The following DIS3 variants were observed in gnomAD, a reference collection of about 807,000 sequenced individuals.
DIS3 encodes DIS3 exosome endoribonuclease and 3'-5' exoribonuclease.
In DIS3, 103 loss-of-function variants were observed where a neutral mutation model predicts 113.0. The ratio of observed to expected loss-of-function variants is 0.91; its 90% CI spans 0.78 to 1.07. The LOEUF (loss-of-function observed/expected upper bound fraction) is 1.07. Ranked by LOEUF, DIS3 falls within the 50% of genes least tolerant of loss-of-function variation. The probability of loss-of-function intolerance (pLI) is 0.00; values close to 1 mark genes in which losing one functional copy is unlikely to be tolerated. For synonymous variants in DIS3, 402 were observed against 394.3 expected (o/e 1.02, Z -0.23); for missense variants, 1,121 against 1,167.1 (o/e 0.96, Z 0.58).
chr13:72,762,086 G>T lies in DIS3; in HGVS notation c.2179C>A (p.Gln727Lys). 1 of 1,614,052 alleles carries T rather than the reference G, an allele frequency of 6.2e-7. No individual in the cohort carries two copies. The highest frequency in any genetic ancestry group is 8.5e-7 in the Non-Finnish European group (1 of 1,180,012). ...TATGGAAAAGTAGGAGATTCGGCCT[G>T]ATCCAAAGACTCAGCCAAAGACTTG... ...TAKSLAESLD[Q>K]AESPTFPYLN... Residue 727 changes from glutamine to lysine, a missense_variant, in exon 17 of 21, where the codon CAG becomes AAG. By Grantham distance (53) the Gln-to-Lys change is moderately conservative (BLOSUM62 1). Coordinates refer to ENST00000377767, the MANE Select transcript of DIS3 (RefSeq NM_014953.5).
Position 72,761,483 on chromosome 13 carries a change from G to C in DIS3, c.2550C>G (p.Ala850=), listed in dbSNP as rs987196923. ...CATTCTTTCTTACAAATAAAATATAGGCTTCTTCACTTACTATTCCTTTGC... is the reference window on the plus strand; with the variant it reads ...CATTCTTTCTTACAAATAAAATATACGCTTCTTCACTTACTATTCCTTTGC... The part of the protein sequence containing the change: ...FKSKGIVSEE[A]YILFVRKNAI... Residue 850 remains alanine (A), a synonymous_variant, in exon 19 of 21, where the codon GCC becomes GCG. Coordinates refer to ENST00000377767, the MANE Select transcript of DIS3 (RefSeq NM_014953.5). The C allele has an allele frequency of 1.5e-5, 24 of 1,606,632 alleles. No individual in the cohort carries two copies. In the Admixed American group the frequency reaches 3.9e-4, roughly 26 times the overall value.
chr13:72,777,520 T>C, intron 3 of DIS3, 27 bp from the exon 4 acceptor site: 3 of 1,602,892 alleles, frequency 1.9e-6, no homozygotes, highest in Non-Finnish European at 2.6e-6. Flanking sequence ...ATGTTGTTTT[T>C]GATAAGTGTT....
chr13:72,781,044 T>C, intron 1 of DIS3, 41 bp from the exon 2 acceptor site: 5 of 1,550,986 alleles, frequency 3.2e-6, no homozygotes, highest in Non-Finnish European at 4.4e-6. Context: ...TATTCATTTG[T>C]AAATAGCTCT....
At chr13:72,769,815 G>A (rs996355719) in intron 13 of DIS3, among the ~76,000 whole-genome samples, 2 of 152,296 alleles carry the variant, frequency 1.3e-5, no homozygotes, top group East Asian at 1.9e-4. Flanking sequence ...CTGGTTAGCA[G>A]AACAGCAAGA....
rs370200384 is a variant in DIS3 at position 72,753,836 on chromosome 13, T to C, written c.*5959A>G. 16 of 1,600,006 alleles carry C rather than the reference T, an allele frequency of 1.0e-5. No individual in the cohort carries two copies. The highest frequency in any genetic ancestry group is 8.0e-5 in the African/African-American group (6 of 74,666). On this transcript the variant is annotated 3_prime_UTR_variant, in exon 21 of 21. Transcript: ENST00000377767. ...TTAATATGAAGGTACGGAGAAAATA[T>C]AGTGAAAGCTTAATATTGTTTAGAT...
intron 19 of DIS3, among the ~76,000 whole-genome samples, chr13:72,760,891 T>G (rs1359677431): frequency 6.6e-6 from 1 of 152,114 alleles, no homozygotes; most frequent in Non-Finnish European, 1.5e-5. Context: ...TTCTTGGTGA[T>G]TAATTAATCA....
intron 14 of DIS3, among the ~76,000 whole-genome samples, chr13:72,766,926 AAAG>A (rs1384367233): frequency 6.6e-6 from 1 of 152,164 alleles, no homozygotes; most frequent in Admixed American, 6.5e-5. Context: ...ACCTTTATTA[AAAG>A]AACTATAGTA....
At chr13:72,765,633 G>C (rs150070683) in intron 15 of DIS3, among the ~76,000 whole-genome samples, 1 of 152,098 alleles carries the variant, frequency 6.6e-6, no homozygotes, top group South Asian at 2.1e-4. Flanking sequence ...ACAGCCCAGG[G>C]GCTGGGAACC....
intron 15 of DIS3, among the ~76,000 whole-genome samples, chr13:72,764,447 C>T (rs1415658821): frequency 6.6e-6 from 1 of 152,140 alleles, no homozygotes; most frequent in Non-Finnish European, 1.5e-5. Context: ...CCTCAACACA[C>T]ACACCCACAA....
At position 72,772,023 on chromosome 13, in the gene DIS3, T is replaced by C. The variant is rs566732443; in HGVS notation, c.1504-127A>G. On this transcript the variant is annotated intron_variant, in intron 10 of 20. Coordinates refer to ENST00000377767, the MANE Select transcript of DIS3 (RefSeq NM_014953.5). ...CAGTCACCTCTACCATTTCAACTTCTGACATATGGCCAATAGCGTGCAGCT... is the reference window on the plus strand; with the variant it reads ...CAGTCACCTCTACCATTTCAACTTCCGACATATGGCCAATAGCGTGCAGCT... 8.7e-5 allele frequency: 108 copies of C among 1,245,598 alleles called. No homozygotes were observed. The South Asian group carries it at 9.9e-4, about 11-fold the overall frequency. The allele number at this position is 1,245,598 out of a possible 1,614,324, so 77.2% of individuals were successfully genotyped here. A position where few individuals can be genotyped will look rare whatever the true frequency, so the allele number is the denominator to read the frequency against.
At chr13:72,769,507 TTTTG>T (rs1329823069) in intron 13 of DIS3, among the ~76,000 whole-genome samples, 4 of 151,708 alleles carry the variant, frequency 2.6e-5, no homozygotes, top group East Asian at 1.9e-4. Context: ...TTTTTTTTTT[TTTTG>T]TTTGTCTAAG....
chr13:72,759,750 C>G lies in DIS3; in HGVS notation c.*45G>C. The G allele has an allele frequency of 2.0e-6, 3 of 1,518,974 alleles. No homozygotes were observed. The highest frequency in any genetic ancestry group is 2.7e-6 in the Non-Finnish European group (3 of 1,105,958). The allele number at this position is 1,518,974 out of a possible 1,614,324, so 94.1% of individuals were successfully genotyped here. ...TTAGAAGTGTTCTTTCAAGTTTTTT[C>G]TTTTAAAAAAGAAACCAGTCTTTGA... On this transcript the variant is annotated 3_prime_UTR_variant, in exon 21 of 21. Coordinates refer to ENST00000377767, the MANE Select transcript of DIS3 (RefSeq NM_014953.5).
At chr13:72,773,508 A>T (rs2033934400) in intron 8 of DIS3, among the ~76,000 whole-genome samples, 176 bp downstream of exon 8, 1 of 152,198 alleles carries the variant, frequency 6.6e-6, no homozygotes, top group Non-Finnish European at 1.5e-5. Context: ...TTACACTGGA[A>T]TTTCATAAAA....
At chr13:72,764,545 C>A (rs1478396737) in intron 15 of DIS3, among the ~76,000 whole-genome samples, 2 of 152,110 alleles carry the variant, frequency 1.3e-5, no homozygotes, top group African/African-American at 4.8e-5. Flanking sequence ...GAATTTGAGT[C>A]CACACAATCT....
At chr13:72,776,148 C>T in intron 4 of DIS3, 56 bp from the exon 5 acceptor site, 1 of 1,488,536 alleles carries the variant, frequency 6.7e-7, no homozygotes, top group Non-Finnish European at 9.0e-7. Context: ...TCACTCAATA[C>T]ACAACTATTA....
rs991358956 is a variant in DIS3, at chr13:72,752,219, T to G, written c.*7576A>C. The G allele has an allele frequency of 6.6e-6, 1 of 152,214 alleles. No individual in the cohort carries two copies. The highest frequency in any genetic ancestry group is 1.5e-5 in the Non-Finnish European group (1 of 68,028). The allele number at this position is 152,214 out of a possible 1,614,324, so 9.4% of individuals were successfully genotyped here. ...AGGCTGTGGGATCTTAAGGCAAGAT[T>G]TACATAGCAGTGAATAGAACATGAC... On this transcript the variant is annotated 3_prime_UTR_variant, in exon 21 of 21. Transcript: ENST00000377767.
rs2033644786 is a variant in DIS3 at position 72,762,231 on chromosome 13, A to G, written c.2128-94T>C. 5.3e-6 allele frequency: 6 copies of G among 1,125,972 alleles called. No homozygotes were observed. The South Asian group carries it at 9.2e-5, about 17-fold the overall frequency. 69.7% of individuals were successfully genotyped at this position (1,125,972 alleles called of 1,614,324 possible). ...ATATAACTGATCTGACTGAACAAAC[A>G]TCATGTTTTTGTTATTTTCCTTCCC... On this transcript the variant is annotated intron_variant, in intron 16 of 20. Transcript: ENST00000377767.
Position 72,781,794 on chromosome 13 carries a change from C to G in DIS3, c.39G>C (p.Ala13=), listed in dbSNP as rs762591896. ...CGCGCACGATCTTCATCACGCCGCC[C>G]GCCCGGGTCTTTTTTAAGAACGTCT... ...KSKTFLKKTR[A]GGVMKIVREH... is the part of the protein sequence containing the mutation. Residue 13 remains alanine, a synonymous_variant, in exon 1 of 21, where the codon GCG becomes GCC. Transcript: ENST00000377767. 1.3e-5 allele frequency: 21 copies of G among 1,604,478 alleles called. No individual in the cohort carries two copies. In the South Asian group the frequency reaches 2.0e-4, roughly 15 times the overall value.
chr13:72,781,093 C>CT, intron 1 of DIS3, 90 bp from the exon 2 acceptor site: 1 of 1,412,104 alleles, frequency 7.1e-7, no homozygotes, highest in Non-Finnish European at 9.6e-7. Context: ...GGCATAAATA[C>CT]TTTATGTTTT....
Sources: gnomAD v4.1 joint callset for allele counts (sites outside exome capture counted in the v4.1 genomes callset) on GRCh38, gnomAD v4.1.1 for gene constraint, MANE v1.5 for transcripts, NCBI Gene and HGNC (gene_info 2026-07-23, HGNC 2026-07-21) for gene names.